TCF12: variants seen among roughly 807,000 people sequenced by gnomAD.
TCF12 encodes the protein transcription factor 12.
A neutral mutation model predicts 86.0 loss-of-function variants in TCF12; 45 were observed. That is an observed-to-expected ratio of 0.52 (90% confidence interval 0.41 to 0.67). The LOEUF is 0.67. TCF12 is among the 30% of genes least tolerant of loss of function. The pLI, the probability that TCF12 is intolerant of heterozygous loss-of-function variation, is 0.00. For missense variants in TCF12, 881 were observed against 859.9 expected (o/e 1.02, Z -0.31); for synonymous variants, 330 against 299.6 (o/e 1.10, Z -1.05).
chr15:57,135,320 G>A (rs529916061), intron 5 of TCF12, among the ~76,000 whole-genome samples: 82 of 152,114 alleles, frequency 5.4e-4, no homozygotes, highest in Non-Finnish European at 9.1e-4. Flanking sequence ...AAAAGTAAAC[G>A]AAGGGAAAAT....
Position 56,918,806 on chromosome 15 carries a change from G to C in TCF12, c.-123G>C, listed in dbSNP as rs1880298554. The stretch of plus-strand genomic sequence containing the variant: ...GACCCGAGAGCTCGTGCGGGGCAAA[G>C]TGAACCGAGCCGCTGGGCGGTGCAA... On this transcript the variant is annotated 5_prime_UTR_variant, in exon 1 of 21. Transcript: ENST00000333725. 1 of 158,560 alleles carries C rather than the reference G, an allele frequency of 6.3e-6. No individual in the cohort carries two copies. Among genetic ancestry groups the C allele is most frequent in the African/African-American group, 2.4e-5 (1 of 41,608 alleles). The allele number at this position is 158,560 out of a possible 1,614,324, so 9.8% of individuals were successfully genotyped here.
intron 3 of TCF12, among the ~76,000 whole-genome samples, chr15:57,042,012 T>A (rs2066923986): frequency 2.0e-5 from 3 of 152,248 alleles, no homozygotes; most frequent in Admixed American, 6.5e-5. Context: ...CTTGGTATGT[T>A]GGCAACATAT....
At chr15:56,950,835 CA>C (rs1179969232) in intron 3 of TCF12, among the ~76,000 whole-genome samples, 5 of 142,674 alleles carry the variant, frequency 3.5e-5, no homozygotes, top group Non-Finnish European at 6.0e-5. Context: ...CGGCTTACCA[CA>C]ACCTCTTCCT....
chr15:57,023,363 G>A (rs1345805254), intron 3 of TCF12, among the ~76,000 whole-genome samples: 3 of 152,014 alleles, frequency 2.0e-5, no homozygotes, highest in Non-Finnish European at 2.9e-5. Flanking sequence ...GTTTTAAAAG[G>A]TGAGGACATT....
At chr15:57,232,982 T>G in intron 11 of TCF12, 126 bp downstream of exon 11, 1 of 535,468 alleles carries the variant, frequency 1.9e-6, no homozygotes, top group Non-Finnish European at 2.6e-6. Context: ...ATGTTATATA[T>G]GTATATGTGT....
intron 3 of TCF12, among the ~76,000 whole-genome samples, chr15:56,978,378 G>T (rs1371813697): frequency 1.3e-5 from 2 of 152,006 alleles, no homozygotes; most frequent in Non-Finnish European, 2.9e-5. Flanking sequence ...TTAAATTGTA[G>T]TATTAATATT....
intron 5 of TCF12, among the ~76,000 whole-genome samples, chr15:57,140,215 T>C (rs1387886055): frequency 2.0e-5 from 3 of 152,182 alleles, no homozygotes; most frequent in South Asian, 2.1e-4. Flanking sequence ...CAGAATATTA[T>C]TGAGCCTTAA....
At position 57,288,701 on chromosome 15, in the gene TCF12, T is replaced by C. The variant is rs2062009663; in HGVS notation, c.*2556T>C. On this transcript the variant is annotated 3_prime_UTR_variant, in exon 21 of 21. Transcript: ENST00000333725. The stretch of plus-strand genomic sequence containing the variant: ...AGTTGGCAATCTGGTCTAGAGCTTC[T>C]CTAGCTTGTGCTTTTCTCCTCTTGC... 2 of 152,246 alleles carry C rather than the reference T, an allele frequency of 1.3e-5. No individual in the cohort carries two copies. Among genetic ancestry groups the C allele is most frequent in the African/African-American group, 4.8e-5 (2 of 41,466 alleles). 9.4% of individuals were successfully genotyped at this position (152,246 alleles called of 1,614,324 possible).
intron 8 of TCF12, among the ~76,000 whole-genome samples, chr15:57,210,775 C>G (rs1479825052): frequency 6.6e-6 from 1 of 152,182 alleles, no homozygotes; most frequent in African/African-American, 2.4e-5. Flanking sequence ...AGTGTTGCCA[C>G]CCGTTTTTCA....
upstream of TCF12, chr15:56,918,317 G>A (rs534954243): frequency 4.4e-6 from 2 of 453,680 alleles, no homozygotes; most frequent in Admixed American, 2.4e-5. Flanking sequence ...TCCGCTTCGG[G>A]GGCCGAGAAC....
chr15:57,012,885 T>C (rs2064917739), intron 3 of TCF12, among the ~76,000 whole-genome samples: 1 of 152,226 alleles, frequency 6.6e-6, no homozygotes, highest in Non-Finnish European at 1.5e-5. Context: ...GTTTCCCTTA[T>C]GCTTCAGGGA....
chr15:57,245,459 T>C (rs2059814861), intron 13 of TCF12, among the ~76,000 whole-genome samples: 1 of 152,370 alleles, frequency 6.6e-6, no homozygotes, highest in Non-Finnish European at 1.5e-5. Flanking sequence ...ATTATCAATG[T>C]CATTTTTGCT....
At chr15:57,184,610 C>T (rs553020864) in intron 6 of TCF12, among the ~76,000 whole-genome samples, 1 of 152,232 alleles carries the variant, frequency 6.6e-6, no homozygotes, top group East Asian at 1.9e-4. Flanking sequence ...TGTTGAAATA[C>T]CAATGATATT....
chr15:57,128,047 GACT>G (rs1306242325), intron 5 of TCF12, among the ~76,000 whole-genome samples: 3 of 152,138 alleles, frequency 2.0e-5, no homozygotes, highest in Non-Finnish European at 4.4e-5. Flanking sequence ...GATGATCCAT[GACT>G]GACTCATTTG....
chr15:57,072,807 C>G lies in TCF12; in HGVS notation c.222+8984C>G, dbSNP rs1258768924. The G allele has an allele frequency of 3.6e-6, 3 of 842,228 alleles. No individual in the cohort carries two copies. The African/African-American group carries it at 5.4e-5, about 15-fold the overall frequency. 52.2% of individuals were successfully genotyped at this position (842,228 alleles called of 1,614,324 possible). On this transcript the variant is annotated intron_variant, in intron 4 of 20. Coordinates refer to ENST00000333725, the MANE Select transcript of TCF12 (RefSeq NM_207037.2). ...CTGAATGTTCTGAATGTGAAGAAAA[C>G]TATGAGTAAGAAAAAGGGTGTGTTT...
intron 5 of TCF12, among the ~76,000 whole-genome samples, chr15:57,155,850 C>T (rs1346561417): frequency 6.6e-6 from 1 of 152,154 alleles, no homozygotes; most frequent in East Asian, 1.9e-4. Context: ...TTAAGGCTCT[C>T]TTCTGGGCTT....
intron 19 of TCF12, chr15:57,278,435 G>C (rs1250758321): frequency 6.6e-6 from 1 of 152,100 alleles, no homozygotes; most frequent in Non-Finnish European, 1.5e-5. Context: ...TTCAGTGGTG[G>C]GGTTAGGGAG....
intron 3 of TCF12, among the ~76,000 whole-genome samples, chr15:56,948,692 G>C (rs2061124515): frequency 6.6e-6 from 1 of 152,184 alleles, no homozygotes; most frequent in Non-Finnish European, 1.5e-5. Context: ...AATAAGCTTA[G>C]AGGTTACAGC....
Position 57,091,867 on chromosome 15 carries a change from C to T in TCF12, c.301C>T (p.Pro101Ser). 1 of 1,613,712 alleles carries T rather than the reference C, an allele frequency of 6.2e-7. No individual in the cohort carries two copies. Among genetic ancestry groups the T allele is most frequent in the Non-Finnish European group, 8.5e-7 (1 of 1,179,704 alleles). Reference protein sequence around the residue: ...LGAHEGLSPTPFMNSNLMGKT... With the variant: ...LGAHEGLSPTSFMNSNLMGKT... ...AGCCCATGAAGGCTTGTCCCCAACA[C>T]CTTTCATGAACTCAAATCTGATGGG... is the stretch of plus-strand genomic sequence containing the variant. The change falls in exon 5 of 21, where the codon CCT becomes TCT. Residue 101 changes from proline to serine, a missense_variant. By Grantham distance (74) the Pro-to-Ser change is moderately conservative. This residue lies in a region of TCF12 where 766 missense variants were observed against 718.9 expected (regional missense o/e 1.07). Coordinates refer to ENST00000333725, the MANE Select transcript of TCF12 (RefSeq NM_207037.2).
Sources: gnomAD v4.1 joint callset for allele counts (sites outside exome capture counted in the v4.1 genomes callset) on GRCh38, gnomAD v4.1.1 for gene constraint, gnomAD v4.1.1 regional missense constraint, MANE v1.5 for transcripts, NCBI Gene and HGNC (gene_info 2026-07-23, HGNC 2026-07-21) for gene names.